The following BICD1 variants were observed in gnomAD, a reference collection of about 807,000 sequenced individuals.
The protein encoded by BICD1 is BICD cargo adaptor 1, also known as protein bicaudal D homolog 1.
Under a neutral mutation model 92.5 loss-of-function variants are expected in BICD1, and 35 were observed. The observed-to-expected ratio is 0.38, with a 90% CI of 0.29 to 0.50. The LOEUF is 0.50. BICD1 is among the 20% of genes least tolerant of loss of function. The pLI is 0.93. For synonymous variants in BICD1, 429 were observed against 465.1 expected (o/e 0.92, Z 1.00); for missense variants, 950 against 1,189.8 (o/e 0.80, Z 2.97).
chr12:32,350,722 C>T (rs996370957), intron 8 of BICD1, among the ~76,000 whole-genome samples: 1 of 152,126 alleles, frequency 6.6e-6, no homozygotes, highest in African/African-American at 2.4e-5. Flanking sequence ...TTCAATTTTC[C>T]TGGCAGTTTC....
At chr12:32,284,746 C>A (rs76382154) in intron 2 of BICD1, among the ~76,000 whole-genome samples, 6,635 of 152,182 alleles carry the variant, frequency 0.044, 266 homozygotes, top group East Asian at 0.21. Flanking sequence ...GAATTTCCTG[C>A]GGAATCTTTC....
intron 1 of BICD1, among the ~76,000 whole-genome samples, chr12:32,153,142 C>T (rs925988650): frequency 6.6e-6 from 1 of 152,168 alleles, no homozygotes; most frequent in African/African-American, 2.4e-5. Context: ...ATGTGTAGCT[C>T]TCATTTGTAA....
intron 1 of BICD1, among the ~76,000 whole-genome samples, chr12:32,171,076 T>C (rs61926927): frequency 0.32 from 48,592 of 152,180 alleles, 8,267 homozygotes; most frequent in Admixed American, 0.48. Flanking sequence ...ATGTCTATTA[T>C]GATAGACCGT....
Position 32,383,572 on chromosome 12 carries a change from T to C in BICD1, c.*5945T>C, listed in dbSNP as rs1592743808. On this transcript the variant is annotated 3_prime_UTR_variant, in exon 10 of 10. Coordinates refer to ENST00000652176, the MANE Select transcript of BICD1 (RefSeq NM_001714.4). Reference sequence around the variant, plus strand: ...TTATATCTCGGTTTATGTTACCAACTGAATATGGTGTAATGCATAACTTTT... The same window carrying C: ...TTATATCTCGGTTTATGTTACCAACCGAATATGGTGTAATGCATAACTTTT... The C allele has an allele frequency of 6.6e-6, 1 of 152,194 alleles. No homozygotes were observed. The highest frequency in any genetic ancestry group is 1.5e-5 in the Non-Finnish European group (1 of 68,014). The allele number at this position is 152,194 out of a possible 1,614,324, so 9.4% of individuals were successfully genotyped here.
intron 1 of BICD1, chr12:32,108,251 G>C: frequency 5.5e-6 from 1 of 181,024 alleles, no homozygotes; most frequent in Non-Finnish European, 1.2e-5. Flanking sequence ...TCAAATACGT[G>C]GGTAGTGTTG....
intron 3 of BICD1, among the ~76,000 whole-genome samples, chr12:32,295,996 T>G (rs1947857745): frequency 6.6e-6 from 1 of 151,678 alleles, no homozygotes; most frequent in Non-Finnish European, 1.5e-5. Flanking sequence ...AGATTTGGAG[T>G]GCTGGGGGGA....
chr12:32,260,653 T>A (rs77049561), intron 2 of BICD1, among the ~76,000 whole-genome samples: 3 of 144,464 alleles, frequency 2.1e-5, no homozygotes, highest in Admixed American at 1.4e-4. Flanking sequence ...TTTTTTTTTT[T>A]AATGCTGGAA....
intron 1 of BICD1, among the ~76,000 whole-genome samples, chr12:32,114,371 A>G (rs1341582016): frequency 6.6e-6 from 1 of 151,868 alleles, no homozygotes; most frequent in East Asian, 1.9e-4. Flanking sequence ...ATGGATTCAG[A>G]TCCTCAACTT....
At chr12:32,320,114 G>A (rs1207143623) in intron 4 of BICD1, among the ~76,000 whole-genome samples, 1 of 152,096 alleles carries the variant, frequency 6.6e-6, no homozygotes, top group Non-Finnish European at 1.5e-5. Context: ...TTCTCTTCAA[G>A]CAGAGAAGAA....
At chr12:32,339,244 A>G in intron 8 of BICD1, 2 of 1,166,276 alleles carry the variant, frequency 1.7e-6, no homozygotes, top group East Asian at 5.1e-5. Context: ...GAAATTAGCA[A>G]CAAGCACAAC....
At chr12:32,301,249 C>A (rs1466600529) in intron 3 of BICD1, among the ~76,000 whole-genome samples, 1 of 152,112 alleles carries the variant, frequency 6.6e-6, no homozygotes, top group African/African-American at 2.4e-5. Flanking sequence ...AGAGAATGAA[C>A]CTTTCATTTC....
At chr12:32,146,670 AAGGGCACGCAGTG>A (rs2121404236) in intron 1 of BICD1, among the ~76,000 whole-genome samples, 2 of 152,320 alleles carry the variant, frequency 1.3e-5, no homozygotes, top group South Asian at 4.1e-4. Flanking sequence ...CAGACAGAGG[AAGGGCACGCAGTG>A]ACAGAGCCCA....
chr12:32,215,053 A>G (rs1396990989), intron 1 of BICD1, among the ~76,000 whole-genome samples: 1 of 152,128 alleles, frequency 6.6e-6, no homozygotes, highest in Non-Finnish European at 1.5e-5. Flanking sequence ...ACAAGGTGAA[A>G]CCCCTTCTCT....
chr12:32,295,698 G>A (rs1377412060), intron 3 of BICD1, among the ~76,000 whole-genome samples: 5 of 148,508 alleles, frequency 3.4e-5, no homozygotes, highest in Non-Finnish European at 7.4e-5. Flanking sequence ...GTGTTGCCCA[G>A]GCTGGAGTGC....
At chr12:32,251,556 GT>G (rs572869220) in intron 2 of BICD1, among the ~76,000 whole-genome samples, 203 of 152,148 alleles carry the variant, frequency 1.3e-3, no homozygotes, top group Non-Finnish European at 1.9e-3. Context: ...TTTCAGAAAT[GT>G]TTAATGCTCC....
At chr12:32,145,462 C>T (rs1233158375) in intron 1 of BICD1, among the ~76,000 whole-genome samples, 1 of 152,116 alleles carries the variant, frequency 6.6e-6, no homozygotes, top group Non-Finnish European at 1.5e-5. Context: ...ATGTTCAGCC[C>T]AGTTATTGCA....
intron 2 of BICD1, among the ~76,000 whole-genome samples, chr12:32,275,533 C>G (rs1380433232): frequency 2.0e-5 from 3 of 152,190 alleles, no homozygotes; most frequent in Non-Finnish European, 4.4e-5. Context: ...GGGGCAACCC[C>G]CTTTGGGTCC....
intron 2 of BICD1, among the ~76,000 whole-genome samples, chr12:32,245,243 G>GC (rs1946343370): frequency 8.3e-6 from 1 of 119,884 alleles, no homozygotes; most frequent in African/African-American, 2.8e-5. Context: ...GCTTAGTTTT[G>GC]TTTTTTGTTT....
At chr12:32,212,355 T>C (rs537091447) in intron 1 of BICD1, among the ~76,000 whole-genome samples, 1 of 152,368 alleles carries the variant, frequency 6.6e-6, no homozygotes, top group South Asian at 2.1e-4. Flanking sequence ...AAACTAAGTT[T>C]CACAGGTTAA....
Sources: allele counts gnomAD v4.1 joint callset (sites outside exome capture counted in the v4.1 genomes callset), GRCh38; gene constraint gnomAD v4.1.1; transcripts MANE v1.5; gene names NCBI Gene and HGNC (gene_info 2026-07-23, HGNC 2026-07-21).